CACNA2D4: variants seen among roughly 807,000 people sequenced by gnomAD.
CACNA2D4 encodes calcium voltage-gated channel auxiliary subunit alpha2delta 4, also known as voltage-dependent calcium channel subunit alpha-2/delta-4.
CACNA2D4 carries 157 observed loss-of-function variants against 163.8 expected under a neutral mutation model. The ratio of observed to expected loss-of-function variants is 0.96; its 90% CI spans 0.84 to 1.09. The LOEUF is 1.09. CACNA2D4 is among the 50% of genes least tolerant of loss of function. The pLI, the probability that CACNA2D4 is intolerant of heterozygous loss-of-function variation, is 0.00. For missense variants in CACNA2D4, 1,410 were observed against 1,479.9 expected (o/e 0.95, Z 0.78); for synonymous variants, 598 against 586.9 (o/e 1.02, Z -0.27).
Position 1,846,623 on chromosome 12 carries a change from C to G in CACNA2D4, c.2313G>C (p.Leu771Phe). Residue 771 changes from leucine (L) to phenylalanine (F), a missense_variant, in exon 24 of 38, where the codon TTG (leucine) becomes TTC (phenylalanine). Transcript: ENST00000382722. ...GTRAGLLRSS[L>F]FVGSEKVSDR... is the part of the protein sequence containing the mutation. ...CGGAGACCTTCTCGGAGCCCACGAA[C>G]AAGCTGCTTCTCAGGAGGCCAGCCC... 1.2e-6 allele frequency: 2 copies of G among 1,603,258 alleles called. No homozygotes were observed. The highest frequency in any genetic ancestry group is 2.2e-5 in the South Asian group (2 of 89,228).
intron 3 of CACNA2D4, among the ~76,000 whole-genome samples, chr12:1,911,723 C>A (rs1000326836): frequency 2.0e-5 from 3 of 152,268 alleles, no homozygotes; most frequent in Admixed American, 2.0e-4. Context: ...AGCCTGGAGC[C>A]CCAGCCTCTG....
intron 35 of CACNA2D4, 45 bp downstream of exon 35, chr12:1,797,373 C>A: frequency 7.3e-7 from 1 of 1,378,942 alleles, no homozygotes; most frequent in Non-Finnish European, 1.0e-6. Context: ...TTGCCGAGGG[C>A]GGGAGGAGTG....
At chr12:1,885,834 C>T (rs1393043670) in intron 9 of CACNA2D4, 131 bp downstream of exon 9, 8 of 675,538 alleles carry the variant, frequency 1.2e-5, no homozygotes, top group South Asian at 3.7e-5. Context: ...GCATGGGTAA[C>T]GTGCTCTGCT....
At chr12:1,832,276 G>T (rs763484011) in intron 26 of CACNA2D4, among the ~76,000 whole-genome samples, 1 of 152,200 alleles carries the variant, frequency 6.6e-6, no homozygotes, top group Non-Finnish European at 1.5e-5. Context: ...TTACCCTTTC[G>T]CTGTGGCAGG....
At position 1,917,599 on chromosome 12, in the gene CACNA2D4, GCACAGTAATT is replaced by G. The variant is rs1867019396; in HGVS notation, c.227+638_227+647del. ...AAAACACAGACACCCCAGAGAGGTT[GCACAGTAATT>G]TACATGTACACCAAGGTGCACATGA... On this transcript the variant is annotated intron_variant, in intron 1 of 37. Transcript: ENST00000382722. This position sits in a 1 kb window ranked among gnomAD's most constrained non-coding sequence, Gnocchi z 4.3. Among the ~76,000 whole-genome samples, 1 of 152,156 alleles carries G rather than the reference GCACAGTAATT, an allele frequency of 6.6e-6. No individual in the cohort carries two copies. Among genetic ancestry groups the G allele is most frequent in the African/African-American group, 2.4e-5 (1 of 41,410 alleles).
At chr12:1,821,751 G>A (rs1353815844) in intron 26 of CACNA2D4, among the ~76,000 whole-genome samples, 1 of 152,164 alleles carries the variant, frequency 6.6e-6, no homozygotes, top group African/African-American at 2.4e-5. Flanking sequence ...GAGAGGAGCA[G>A]CCTGACCAGG....
chr12:1,841,310 T>A (rs960397894), intron 25 of CACNA2D4, among the ~76,000 whole-genome samples: 3 of 152,188 alleles, frequency 2.0e-5, no homozygotes, highest in Admixed American at 6.5e-5. Flanking sequence ...GGCAGCGAGA[T>A]GACGGACCCT....
chr12:1,838,179 C>T (rs550203473), intron 26 of CACNA2D4, among the ~76,000 whole-genome samples: 4 of 152,316 alleles, frequency 2.6e-5, no homozygotes, highest in African/African-American at 9.6e-5. Context: ...CTATAAACCA[C>T]CTGCTTAGGG....
At chr12:1,870,948 G>T (rs879414158) in intron 18 of CACNA2D4, among the ~76,000 whole-genome samples, 1 of 152,206 alleles carries the variant, frequency 6.6e-6, no homozygotes, top group Non-Finnish European at 1.5e-5. Context: ...GAGTACTCTA[G>T]CCCTGTGTTC....
intron 6 of CACNA2D4, among the ~76,000 whole-genome samples, chr12:1,894,559 T>C (rs949894886): frequency 6.6e-6 from 1 of 152,160 alleles, no homozygotes; most frequent in Non-Finnish European, 1.5e-5. Flanking sequence ...GTGGGATTTA[T>C]ACTAGGGATG....
chr12:1,834,623 A>G lies in CACNA2D4; in HGVS notation c.2551+6116T>C. The stretch of plus-strand genomic sequence containing the variant: ...CTATGGCTGCATCTACGCCTCCCTC[A>G]TGGCCAAGTACCACCGGGAGCTCAA... On this transcript the variant is annotated intron_variant, in intron 26 of 37. Transcript: ENST00000382722. This position sits in a 1 kb window ranked among gnomAD's most constrained non-coding sequence, Gnocchi z 7.6. 2 of 1,600,046 alleles carry G rather than the reference A, an allele frequency of 1.2e-6. No homozygotes were observed. Among genetic ancestry groups the G allele is most frequent in the East Asian group, 2.2e-5 (1 of 44,852 alleles).
In CACNA2D4 at chr12:1,834,928, T is replaced by C. The variant is rs894792840; in HGVS notation, c.2551+5811A>G. ...CCGTGCTGGGGGCTCCTGCTGATGCTCCTGTCTGGGCCAGTAAATCTTTGG... is the reference window on the plus strand; with the variant it reads ...CCGTGCTGGGGGCTCCTGCTGATGCCCCTGTCTGGGCCAGTAAATCTTTGG... On this transcript the variant is annotated intron_variant, in intron 26 of 37. Transcript: ENST00000382722. The surrounding 1 kb of genome is among the most constrained non-coding windows in gnomAD (Gnocchi z 7.6). 11 of 900,488 alleles carry C rather than the reference T, an allele frequency of 1.2e-5. No individual in the cohort carries two copies. The African/African-American group carries it at 1.5e-4, about 12-fold the overall frequency. The allele number at this position is 900,488 out of a possible 1,614,324, so 55.8% of individuals were successfully genotyped here.
rs766444295 is a variant in CACNA2D4, at chr12:1,828,156, C to T, written c.2551+12583G>A. On this transcript the variant is annotated intron_variant, in intron 26 of 37. Transcript: ENST00000382722. The surrounding 1 kb of genome is among the most constrained non-coding windows in gnomAD (Gnocchi z 4.2). ...AGAGCCGTGGGCCTCACCATGCTGG[C>T]GCCGGGCAGCAGCCCTGGGCAGAGG... 89 of 1,542,300 alleles carry T rather than the reference C, an allele frequency of 5.8e-5. No homozygotes were observed. Among genetic ancestry groups the T allele is most frequent in the Middle Eastern group, 1.8e-4 (1 of 5,552 alleles).
chr12:1,870,755 G>A (rs1306128818), intron 18 of CACNA2D4, among the ~76,000 whole-genome samples: 1 of 152,060 alleles, frequency 6.6e-6, no homozygotes, highest in African/African-American at 2.4e-5. Flanking sequence ...AAGGGGTGTG[G>A]GGGGTTGGGA....
In CACNA2D4 at chr12:1,825,110, C is replaced by T. The variant is rs144409066; in HGVS notation, c.2552-13387G>A. Among the ~76,000 whole-genome samples, 508 of 152,338 alleles carry T rather than the reference C, an allele frequency of 3.3e-3. 4 individuals carry two copies. Among genetic ancestry groups the T allele is most frequent in the African/African-American group, 0.011 (454 of 41,574 alleles). ...GTGGGTCTGCATTGTGGGGACTTGC[C>T]GGACTTGTGCAGGTGACATCCCATT... On this transcript the variant is annotated intron_variant, in intron 26 of 37. Coordinates refer to ENST00000382722, the MANE Select transcript of CACNA2D4 (RefSeq NM_172364.5).
intron 14 of CACNA2D4, 82 bp downstream of exon 14, chr12:1,879,722 G>T: frequency 1.7e-6 from 2 of 1,196,108 alleles, no homozygotes; most frequent in Non-Finnish European, 2.4e-6. Flanking sequence ...GCACAGCCAA[G>T]TCAAGAATCA....
chr12:1,848,800 T>A (rs965580850), intron 23 of CACNA2D4, among the ~76,000 whole-genome samples: 2 of 137,956 alleles, frequency 1.4e-5, no homozygotes, highest in African/African-American at 5.2e-5. Flanking sequence ...TAAAGACAGG[T>A]TCTCACTACG....
rs1037524913 is a variant in CACNA2D4, at chr12:1,843,007, G to A, written c.2470+1395C>T. ...TGTGGCTCCCTTGCTGTGTGACCCC[G>A]GGCAAGTTACAGAACCTCTCTGAGC... On this transcript the variant is annotated intron_variant, in intron 25 of 37. Coordinates refer to ENST00000382722, the MANE Select transcript of CACNA2D4 (RefSeq NM_172364.5). This position sits in a 1 kb window ranked among gnomAD's most constrained non-coding sequence, Gnocchi z 4.6. 2.0e-5 allele frequency among the ~76,000 whole-genome samples: 3 copies of A among 152,114 alleles called. No individual in the cohort carries two copies. Among genetic ancestry groups the A allele is most frequent in the Non-Finnish European group, 4.4e-5 (3 of 68,008 alleles).
chr12:1,914,426 T>C (rs1263824741), intron 2 of CACNA2D4, among the ~76,000 whole-genome samples: 4 of 151,214 alleles, frequency 2.6e-5, no homozygotes, highest in Admixed American at 6.6e-5. Context: ...GTATGGGAGG[T>C]CTCCCTGCGC....
Sources: gnomAD v4.1 joint callset for allele counts (sites outside exome capture counted in the v4.1 genomes callset) on GRCh38, gnomAD v4.1.1 for gene constraint, Gnocchi (gnomAD v3.1) non-coding constraint, MANE v1.5 for transcripts, NCBI Gene and HGNC (gene_info 2026-07-23, HGNC 2026-07-21) for gene names.